ZNF736: variants seen among roughly 807,000 people sequenced by gnomAD.
ZNF736 encodes the protein zinc finger protein 736, also known as KRAB-containing zinc-finger repressor protein.
ZNF736 carries 6 observed loss-of-function variants against 11.7 expected under a neutral mutation model. That is an observed-to-expected ratio of 0.51 (90% CI 0.28 to 1.01). The LOEUF is 1.01. ZNF736 is among the 50% of genes least tolerant of loss of function. ZNF736 has a pLI of 0.09. For synonymous variants in ZNF736, 139 were observed against 164.7 expected (o/e 0.84, Z 1.19); for missense variants, 444 against 496.0 (o/e 0.90, Z 1.00).
At chr7:64,333,360 G>A (rs914929100) in intron 1 of ZNF736, among the ~76,000 whole-genome samples, 2 of 152,142 alleles carry the variant, frequency 1.3e-5, no homozygotes, top group Non-Finnish European at 2.9e-5. Flanking sequence ...TGAAAAAATT[G>A]TCACCATGAA....
chr7:64,314,765 A>T (rs1233005340), intron 1 of ZNF736, among the ~76,000 whole-genome samples: 2 of 152,014 alleles, frequency 1.3e-5, no homozygotes, highest in African/African-American at 4.8e-5. Context: ...GGCTTTTGCC[A>T]TGTTGCTCAG....
rs532097264 is a variant in ZNF736 at position 64,333,875 on chromosome 7, G to A, written c.4-2384G>A. On this transcript the variant is annotated intron_variant, in intron 1 of 3. Transcript: ENST00000423484. ...AAAAGAGCAAAGCTGGAGGCATCAC[G>A]CTACCTGACTTGAAACTATACTACA... 1.8e-4 allele frequency among the ~76,000 whole-genome samples: 27 copies of A among 152,208 alleles called. No individual in the cohort carries two copies. In the East Asian group the frequency reaches 4.0e-3, roughly 23 times the overall value.
In ZNF736 at chr7:64,330,970, G is replaced by C. The variant is rs1440687594; in HGVS notation, c.4-5289G>C. 2.0e-5 allele frequency among the ~76,000 whole-genome samples: 3 copies of C among 152,156 alleles called. No homozygotes were observed. The East Asian group carries it at 5.8e-4, about 29-fold the overall frequency. On this transcript the variant is annotated intron_variant, in intron 1 of 3. Coordinates refer to ENST00000423484, the MANE Select transcript of ZNF736 (RefSeq NM_001170905.3). ...CTCTTCTCTCCCCTTTCCTCAAGTA[G>C]AAAGAAAGATTTTCTCCTGGAGCTG...
chr7:64,334,343 A>G (rs1298747499), intron 1 of ZNF736, among the ~76,000 whole-genome samples: 4 of 152,198 alleles, frequency 2.6e-5, no homozygotes, highest in Non-Finnish European at 5.9e-5. Context: ...AGAAACTGTC[A>G]TCAGTGAACA....
intron 1 of ZNF736, among the ~76,000 whole-genome samples, chr7:64,324,344 G>A (rs1354543732): frequency 6.6e-6 from 1 of 152,072 alleles, no homozygotes; most frequent in Non-Finnish European, 1.5e-5. Flanking sequence ...GGCAGGCCCC[G>A]GGCTGAAGGG....
chr7:64,337,755 GGTTTTTT>G (rs1211249572), intron 3 of ZNF736, among the ~76,000 whole-genome samples: 3 of 86,256 alleles, frequency 3.5e-5, no homozygotes, highest in East Asian at 4.2e-4. Context: ...TGTTTTTTTT[GGTTTTTT>G]TTTTTTTTTG....
At chr7:64,331,471 T>C (rs1370154723) in intron 1 of ZNF736, among the ~76,000 whole-genome samples, 1 of 152,238 alleles carries the variant, frequency 6.6e-6, no homozygotes, top group Non-Finnish European at 1.5e-5. Context: ...CTTTCTTTTT[T>C]ACCCTCTTCA....
chr7:64,314,849 C>T (rs142646603), intron 1 of ZNF736, among the ~76,000 whole-genome samples: 1 of 152,300 alleles, frequency 6.6e-6, no homozygotes, highest in Non-Finnish European at 1.5e-5. Flanking sequence ...GCCGGGATTA[C>T]GTGCATGACC....
intron 1 of ZNF736, among the ~76,000 whole-genome samples, chr7:64,332,684 C>T (rs1036008687): frequency 3.9e-5 from 6 of 152,134 alleles, no homozygotes; most frequent in Admixed American, 2.0e-4. Flanking sequence ...CAGTCCTTAT[C>T]TCAACCACAC....
intron 3 of ZNF736, among the ~76,000 whole-genome samples, chr7:64,341,727 T>C (rs1789341029): frequency 6.6e-6 from 1 of 152,158 alleles, no homozygotes; most frequent in African/African-American, 2.4e-5. Context: ...TGGGAGTTGA[T>C]TGTGTTTTAC....
intron 1 of ZNF736, among the ~76,000 whole-genome samples, chr7:64,329,209 C>G (rs1382283668): frequency 6.6e-6 from 1 of 151,058 alleles, no homozygotes; most frequent in East Asian, 1.9e-4. Flanking sequence ...AATTTCCTGT[C>G]TGAAAGGTTA....
At chr7:64,340,718 G>A (rs1186205852) in intron 3 of ZNF736, among the ~76,000 whole-genome samples, 1 of 152,126 alleles carries the variant, frequency 6.6e-6, no homozygotes, top group Non-Finnish European at 1.5e-5. Flanking sequence ...CAACATAATG[G>A]ACTCCATGTA....
intron 1 of ZNF736, among the ~76,000 whole-genome samples, chr7:64,326,266 T>C (rs1378167722): frequency 1.3e-5 from 2 of 152,214 alleles, no homozygotes; most frequent in Non-Finnish European, 2.9e-5. Context: ...GGCTTTTCTC[T>C]CTTTGGCTTG....
Position 64,353,615 on chromosome 7 carries a change from A to G in ZNF736, c.*4468A>G, listed in dbSNP as rs1789518172. On this transcript the variant is annotated 3_prime_UTR_variant, in exon 4 of 4. Transcript: ENST00000423484. The stretch of plus-strand genomic sequence containing the variant: ...GTTGTGAGAGGTTCTTCTATATTAG[A>G]TGGACAGATTTATATACTTTTCCAT... 1 of 152,206 alleles carries G rather than the reference A, an allele frequency of 6.6e-6. No individual in the cohort carries two copies. The highest frequency in any genetic ancestry group is 2.1e-4 in the South Asian group (1 of 4,834). 9.4% of individuals were successfully genotyped at this position (152,206 alleles called of 1,614,324 possible). A position where few individuals can be genotyped will look rare whatever the true frequency, so the allele number is the denominator to read the frequency against.
At chr7:64,326,684 G>C (rs1420715475) in intron 1 of ZNF736, among the ~76,000 whole-genome samples, 1 of 151,228 alleles carries the variant, frequency 6.6e-6, no homozygotes, top group Non-Finnish European at 1.5e-5. Flanking sequence ...TTTGATGTAG[G>C]CACTTACTGC....
chr7:64,326,317 A>G (rs1393284167), intron 1 of ZNF736, among the ~76,000 whole-genome samples: 13 of 152,166 alleles, frequency 8.5e-5, no homozygotes, highest in African/African-American at 3.1e-4. Context: ...GCCTATTTTT[A>G]ATACACAGTC....
rs1187890364 is a variant in ZNF736, at chr7:64,313,983, GC to G, written c.-166del. 3 of 858,364 alleles carry G rather than the reference GC, an allele frequency of 3.5e-6. No individual in the cohort carries two copies. The African/African-American group carries it at 5.0e-5, about 14-fold the overall frequency. 53.2% of individuals were successfully genotyped at this position (858,364 alleles called of 1,614,324 possible). A position where few individuals can be genotyped will look rare whatever the true frequency, so the allele number is the denominator to read the frequency against. On this transcript the variant is annotated 5_prime_UTR_variant, in exon 1 of 4. It introduces an in-frame stop codon into an upstream open reading frame of the 5' UTR. Transcript: ENST00000423484. The stretch of plus-strand genomic sequence containing the variant: ...GAGGCGGCCTCTTCAATATGGCGGG[GC>G]CTTTGTCTCCTAGCTTCCGGGCTCT...
chr7:64,320,653 G>A (rs1235347093), intron 1 of ZNF736, among the ~76,000 whole-genome samples: 1 of 152,070 alleles, frequency 6.6e-6, no homozygotes, highest in Non-Finnish European at 1.5e-5. Context: ...GTTAAAGTAT[G>A]TATTGTAAAT....
At chr7:64,345,098 A>C (rs1424038869) in intron 3 of ZNF736, among the ~76,000 whole-genome samples, 2 of 151,420 alleles carry the variant, frequency 1.3e-5, no homozygotes, top group African/African-American at 4.9e-5. Flanking sequence ...ATCTCGGCTC[A>C]CTGCAAGCTC....
Sources: allele counts gnomAD v4.1 joint callset (sites outside exome capture counted in the v4.1 genomes callset), GRCh38; gene constraint gnomAD v4.1.1; transcripts MANE v1.5; gene names NCBI Gene and HGNC (gene_info 2026-07-23, HGNC 2026-07-21).